The following GNG2 variants were observed in gnomAD, a reference collection of about 807,000 sequenced individuals.
The protein encoded by GNG2 is G protein subunit gamma 2.
GNG2 carries 5 observed loss-of-function variants against 5.5 expected under a neutral mutation model. The observed-to-expected ratio is 0.91, with a 90% confidence interval of 0.48 to 1.92. The LOEUF (loss-of-function observed/expected upper bound fraction) is 1.92, where lower values mean the gene tolerates loss of function less well. GNG2 is among the 30% of genes most tolerant of loss of function. The pLI is 0.01. For synonymous variants in GNG2, 28 were observed against 32.0 expected (o/e 0.88, Z 0.42); for missense variants, 55 against 88.4 (o/e 0.62, Z 1.52).
chr14:51,895,809 C>A (rs575886600), intron 2 of GNG2, among the ~76,000 whole-genome samples: 8 of 152,170 alleles, frequency 5.3e-5, no homozygotes, highest in Non-Finnish European at 1.2e-4. Flanking sequence ...TGGGGCGGGT[C>A]TTTCCTGTGC....
intron 2 of GNG2, among the ~76,000 whole-genome samples, chr14:51,833,811 C>T (rs1475526242): frequency 6.6e-6 from 1 of 152,228 alleles, no homozygotes; most frequent in Non-Finnish European, 1.5e-5. Context: ...TGTGTGCCAT[C>T]TGCTGCAATG....
intron 2 of GNG2, among the ~76,000 whole-genome samples, chr14:51,892,371 G>A (rs1456692084): frequency 2.0e-5 from 3 of 151,772 alleles, no homozygotes; most frequent in African/African-American, 4.8e-5. Flanking sequence ...GAGAGCTATG[G>A]CGCGATCTTG....
At chr14:51,949,086 A>C (rs867869823) in intron 2 of GNG2, among the ~76,000 whole-genome samples, 1 of 150,394 alleles carries the variant, frequency 6.6e-6, no homozygotes, top group African/African-American at 2.5e-5. Flanking sequence ...GCGCCACTGC[A>C]CTCCAGCTTG....
At chr14:51,922,972 C>T (rs903585256) in intron 2 of GNG2, among the ~76,000 whole-genome samples, 2 of 152,224 alleles carry the variant, frequency 1.3e-5, no homozygotes, top group African/African-American at 4.8e-5. Flanking sequence ...CCCAGGAGCT[C>T]TGTCTTTAAA....
chr14:51,923,214 T>C (rs1887119210), intron 2 of GNG2, among the ~76,000 whole-genome samples: 1 of 152,190 alleles, frequency 6.6e-6, no homozygotes, highest in Non-Finnish European at 1.5e-5. Flanking sequence ...GCCCTTTCTG[T>C]TGGAACCTTC....
intron 2 of GNG2, among the ~76,000 whole-genome samples, chr14:51,937,108 C>A (rs35484737): frequency 0.058 from 8,851 of 152,204 alleles, 495 homozygotes; most frequent in East Asian, 0.26. Context: ...TAATGTCTTA[C>A]ATTTTCCCTC....
At chr14:51,885,832 G>A (rs1300298070) in intron 2 of GNG2, among the ~76,000 whole-genome samples, 1 of 152,070 alleles carries the variant, frequency 6.6e-6, no homozygotes, top group Non-Finnish European at 1.5e-5. Flanking sequence ...TATTTGTTTT[G>A]GGCTCAGATA....
intron 2 of GNG2, among the ~76,000 whole-genome samples, chr14:51,834,314 T>C (rs1490399864): frequency 6.6e-6 from 1 of 152,232 alleles, no homozygotes; most frequent in Non-Finnish European, 1.5e-5. Context: ...TCCCGAGCTG[T>C]GGTGGCTGGA....
At chr14:51,901,176 G>T (rs908112053) in intron 2 of GNG2, among the ~76,000 whole-genome samples, 13 of 151,082 alleles carry the variant, frequency 8.6e-5, no homozygotes, top group African/African-American at 3.0e-4. Context: ...TTGGTAAAGA[G>T]AAAGTATTTC....
intron 2 of GNG2, among the ~76,000 whole-genome samples, chr14:51,853,887 C>CT (rs1047131315): frequency 1.1e-3 from 157 of 143,580 alleles, no homozygotes; most frequent in South Asian, 3.7e-3. Context: ...CCCTGAATTT[C>CT]TTTTTTTTTT....
At chr14:51,929,440 C>A (rs1032525761) in intron 2 of GNG2, among the ~76,000 whole-genome samples, 1 of 152,148 alleles carries the variant, frequency 6.6e-6, no homozygotes, top group Admixed American at 6.5e-5. Flanking sequence ...TCAGGACACA[C>A]AGGGTTTCTG....
At chr14:51,886,010 G>A (rs891032546) in intron 2 of GNG2, among the ~76,000 whole-genome samples, 4 of 152,110 alleles carry the variant, frequency 2.6e-5, no homozygotes, top group Non-Finnish European at 4.4e-5. Flanking sequence ...AAAAACAGAT[G>A]GTACCTCTCT....
intron 2 of GNG2, among the ~76,000 whole-genome samples, chr14:51,923,461 G>A (rs1401655083): frequency 6.6e-6 from 1 of 151,450 alleles, no homozygotes; most frequent in African/African-American, 2.4e-5. Flanking sequence ...ATATATACAT[G>A]TTTACATTTT....
intron 2 of GNG2, among the ~76,000 whole-genome samples, chr14:51,947,074 C>T (rs1289014502): frequency 6.6e-6 from 1 of 152,192 alleles, no homozygotes; most frequent in Non-Finnish European, 1.5e-5. Context: ...TACTTTTTCT[C>T]TTAAGTCCAT....
chr14:51,942,619 T>G (rs1888410241), intron 2 of GNG2, among the ~76,000 whole-genome samples: 1 of 144,768 alleles, frequency 6.9e-6, no homozygotes, highest in Admixed American at 7.1e-5. Context: ...AGACAGGGAC[T>G]CACTGTGTTG....
intron 2 of GNG2, among the ~76,000 whole-genome samples, chr14:51,878,377 A>G (rs28688492): frequency 0.35 from 53,297 of 151,922 alleles, 9,762 homozygotes; most frequent in Non-Finnish European, 0.4. Flanking sequence ...CTACATCCCC[A>G]TCACCCAATT....
At chr14:51,885,067 A>G (rs1884354374) in intron 2 of GNG2, among the ~76,000 whole-genome samples, 1 of 152,196 alleles carries the variant, frequency 6.6e-6, no homozygotes, top group South Asian at 2.1e-4. Context: ...AGAAGGAGAG[A>G]GCCCAGTCAT....
chr14:51,855,403 G>T (rs1882110398), intron 2 of GNG2, among the ~76,000 whole-genome samples: 1 of 152,192 alleles, frequency 6.6e-6, no homozygotes, highest in Non-Finnish European at 1.5e-5. Context: ...ATATGATTCA[G>T]TCTTCTTGGC....
chr14:51,897,261 C>T (rs1240672587), intron 2 of GNG2, among the ~76,000 whole-genome samples: 2 of 152,176 alleles, frequency 1.3e-5, no homozygotes, highest in African/African-American at 2.4e-5. Context: ...AGGCTGAATA[C>T]GGTAGAGTCA....
Sources: allele counts gnomAD v4.1 joint callset (sites outside exome capture counted in the v4.1 genomes callset), GRCh38; gene constraint gnomAD v4.1.1; transcripts MANE v1.5; gene names NCBI Gene and HGNC (gene_info 2026-07-23, HGNC 2026-07-21).